MSRA: variants seen among roughly 807,000 people sequenced by gnomAD.
MSRA encodes methionine sulfoxide reductase A.
In MSRA, 54 loss-of-function variants were observed where a neutral mutation model predicts 31.3. That is an observed-to-expected ratio of 1.73 (90% CI 1.39 to 2.17). MSRA has a LOEUF of 2.17. Ranked by LOEUF, MSRA falls within the 30% of genes most tolerant of loss-of-function variation. The probability of loss-of-function intolerance (pLI) is 0.00; values close to 1 mark genes in which losing one functional copy is unlikely to be tolerated. For missense variants in MSRA, 507 were observed against 300.9 expected, an observed-to-expected ratio of 1.69 and a Z score of -5.07; for synonymous variants, 169 against 116.5, an observed-to-expected ratio of 1.45 and a Z score of -2.90.
intron 1 of MSRA, among the ~76,000 whole-genome samples, chr8:10,117,477 G>A (rs1340517935): frequency 1.3e-5 from 2 of 152,210 alleles, no homozygotes; most frequent in African/African-American, 4.8e-5. Context: ...GTGTGAACTT[G>A]GGGCTCGTCT....
At chr8:10,244,712 A>AT (rs1797522874) in intron 2 of MSRA, among the ~76,000 whole-genome samples, 4 of 152,304 alleles carry the variant, frequency 2.6e-5, no homozygotes, top group Admixed American at 6.5e-5. Flanking sequence ...TTGGTAAAAT[A>AT]TTTTTTTAAA....
At chr8:10,145,004 C>G (rs938482823) in intron 1 of MSRA, among the ~76,000 whole-genome samples, 2 of 152,192 alleles carry the variant, frequency 1.3e-5, no homozygotes, top group East Asian at 1.9e-4. Context: ...CTCCCCCCGC[C>G]TCTCCCTGCT....
At chr8:10,419,486 A>C (rs896494181) in intron 5 of MSRA, among the ~76,000 whole-genome samples, 13 of 152,222 alleles carry the variant, frequency 8.5e-5, no homozygotes, top group African/African-American at 3.1e-4. Context: ...GTAAAGTAGA[A>C]TAACGGCCCC....
At position 10,054,630 on chromosome 8, in the gene MSRA, G is replaced by C. The variant is rs1802191127; in HGVS notation, c.114G>C (p.Pro38=). ...SNIVSPQEAL[P]GRKEQTPVAA... Reference sequence around the variant, plus strand: ...TCGTCAGCCCCCAGGAGGCCTTGCCGGGCCGGAAGGAACAGACCCCTGTAG... The same window carrying C: ...TCGTCAGCCCCCAGGAGGCCTTGCCCGGCCGGAAGGAACAGACCCCTGTAG... Residue 38 remains proline, a synonymous_variant, in exon 1 of 6, where the codon CCG becomes CCC. Transcript: ENST00000317173. 1.9e-6 allele frequency: 3 copies of C among 1,576,026 alleles called. No individual in the cohort carries two copies. The highest frequency in any genetic ancestry group is 1.4e-5 in the African/African-American group (1 of 71,440).
chr8:10,404,969 C>G (rs976469053), intron 5 of MSRA, among the ~76,000 whole-genome samples: 2 of 152,240 alleles, frequency 1.3e-5, no homozygotes, highest in African/African-American at 4.8e-5. Context: ...GATGGCCGAG[C>G]TGCCTTAGGC....
chr8:10,250,181 C>G (rs755676411), intron 3 of MSRA, among the ~76,000 whole-genome samples: 9 of 152,090 alleles, frequency 5.9e-5, no homozygotes, highest in Non-Finnish European at 1.0e-4. Context: ...CATGCTGTTG[C>G]TTTACTACAT....
intron 1 of MSRA, among the ~76,000 whole-genome samples, chr8:10,135,463 A>C (rs1563136334): frequency 6.6e-6 from 1 of 152,212 alleles, no homozygotes; most frequent in Non-Finnish European, 1.5e-5. Context: ...GTGGAAGTAA[A>C]GTTACCAACG....
At chr8:10,096,355 C>G (rs1373315430) in intron 1 of MSRA, 3 of 1,020,500 alleles carry the variant, frequency 2.9e-6, no homozygotes, top group African/African-American at 1.7e-5. Flanking sequence ...TGTCTTTGCT[C>G]TGAACCATTT....
At position 10,220,593 on chromosome 8, in the gene MSRA, C is replaced by T. The variant is rs142697240; in HGVS notation, c.211+12692C>T. Among the ~76,000 whole-genome samples the T allele has an allele frequency of 5.9e-5, 9 of 152,224 alleles. No homozygotes were observed. In the East Asian group the frequency reaches 1.5e-3, roughly 26 times the overall value. ...GTCTCCTAAAAAGTCCTTTGAATCG[C>T]ATTCATGTTTTTATGTGATGACCCT... On this transcript the variant is annotated intron_variant, in intron 2 of 5. Coordinates refer to ENST00000317173, the MANE Select transcript of MSRA (RefSeq NM_012331.5).
At chr8:10,286,187 C>T (rs984594419) in intron 3 of MSRA, among the ~76,000 whole-genome samples, 3 of 152,164 alleles carry the variant, frequency 2.0e-5, no homozygotes, top group African/African-American at 4.8e-5. Context: ...AGCACTCTTA[C>T]CTCTACCTGT....
chr8:10,060,237 C>G (rs1314345697), intron 1 of MSRA, among the ~76,000 whole-genome samples: 2 of 152,050 alleles, frequency 1.3e-5, no homozygotes, highest in Non-Finnish European at 2.9e-5. Context: ...TGGCTAGTTA[C>G]ATAAATTACA....
intron 3 of MSRA, among the ~76,000 whole-genome samples, chr8:10,273,698 T>G (rs1242477871): frequency 6.6e-6 from 1 of 152,208 alleles, no homozygotes; most frequent in African/African-American, 2.4e-5. Context: ...ACTGTTTACC[T>G]TATGCTATGT....
intron 2 of MSRA, among the ~76,000 whole-genome samples, chr8:10,230,273 A>T (rs1340462463): frequency 6.6e-6 from 1 of 152,166 alleles, no homozygotes; most frequent in Non-Finnish European, 1.5e-5. Context: ...TTAAGAAGAG[A>T]GCTTTGTATC....
At chr8:10,347,042 G>A (rs914502959) in intron 5 of MSRA, among the ~76,000 whole-genome samples, 1 of 152,040 alleles carries the variant, frequency 6.6e-6, no homozygotes, top group Non-Finnish European at 1.5e-5. Flanking sequence ...CATTCTGGCT[G>A]AAGCCCCCTC....
intron 1 of MSRA, among the ~76,000 whole-genome samples, chr8:10,146,665 G>A (rs1003923390): frequency 1.3e-5 from 2 of 152,096 alleles, no homozygotes; most frequent in African/African-American, 4.8e-5. Context: ...CTTTAAATGG[G>A]TCAGTTGTAT....
chr8:10,091,088 G>C (rs1163966956), intron 1 of MSRA, among the ~76,000 whole-genome samples: 2 of 152,192 alleles, frequency 1.3e-5, no homozygotes, highest in Non-Finnish European at 2.9e-5. Context: ...CATTGATTGA[G>C]TTTTATATGT....
rs1283720724 is a variant in MSRA, at chr8:10,290,490, C to T, written c.332-11044C>T. On this transcript the variant is annotated intron_variant, in intron 3 of 5. Transcript: ENST00000317173. ...TCCTCCTTTGTGGTTTAGCCACATA[C>T]ATCAGATGCCCAAGTTCGTGGTTCC... 3.3e-5 allele frequency among the ~76,000 whole-genome samples: 5 copies of T among 152,132 alleles called. No homozygotes were observed. The East Asian group carries it at 7.7e-4, about 23-fold the overall frequency.
intron 4 of MSRA, among the ~76,000 whole-genome samples, chr8:10,317,672 C>T (rs11994805): frequency 0.24 from 35,807 of 152,090 alleles, 4,508 homozygotes; most frequent in East Asian, 0.33. Flanking sequence ...ATTCTCTTTC[C>T]ACTCAACACT....
chr8:10,405,796 TACAC>T (rs1245829028), intron 5 of MSRA, among the ~76,000 whole-genome samples: 25 of 151,706 alleles, frequency 1.6e-4, no homozygotes, highest in East Asian at 1.4e-3. Context: ...TGTAATCACA[TACAC>T]ACATGCTCGC....
Sources: allele counts gnomAD v4.1 joint callset (sites outside exome capture counted in the v4.1 genomes callset), GRCh38; gene constraint gnomAD v4.1.1; transcripts MANE v1.5; gene names NCBI Gene and HGNC (gene_info 2026-07-23, HGNC 2026-07-21).